PDE8B: variants seen among roughly 807,000 people sequenced by gnomAD.
The protein encoded by PDE8B is phosphodiesterase 8B, also known as high affinity cAMP-specific and IBMX-insensitive 3',5'-cyclic phosphodiesterase 8B.
In PDE8B, 26 loss-of-function variants were observed where a neutral mutation model predicts 101.3. That is an observed-to-expected ratio of 0.26 (90% CI 0.19 to 0.36). The LOEUF (loss-of-function observed/expected upper bound fraction) is 0.36. PDE8B is among the 10% of genes least tolerant of loss of function. PDE8B has a pLI of 1.00. For synonymous variants in PDE8B, 424 were observed against 429.3 expected, an observed-to-expected ratio of 0.99 and a Z score of 0.15; for missense variants, 810 against 1,163.1, an observed-to-expected ratio of 0.70 and a Z score of 4.42.
the PDE8B span, among the ~76,000 whole-genome samples, chr5:77,204,189 C>T: frequency 6.6e-6 from 1 of 151,322 alleles, no homozygotes; most frequent in Non-Finnish European, 1.5e-5. Flanking sequence ...GCAGGCAGAG[C>T]ACCTGAGGTC....
chr5:77,374,720 G>T (rs1007884844), intron 10 of PDE8B, among the ~76,000 whole-genome samples: 1 of 152,198 alleles, frequency 6.6e-6, no homozygotes. Context: ...TGCCTTAAAT[G>T]CATGTGTTTT....
chr5:77,325,832 T>C (rs990881705), intron 3 of PDE8B, 103 bp downstream of exon 3: 4 of 844,312 alleles, frequency 4.7e-6, no homozygotes, highest in East Asian at 5.3e-5. Flanking sequence ...TTTTAAAATA[T>C]GCGTTGATGT....
At chr5:77,304,790 G>C (rs1467247154) in intron 1 of PDE8B, among the ~76,000 whole-genome samples, 1 of 152,162 alleles carries the variant, frequency 6.6e-6, no homozygotes, top group Non-Finnish European at 1.5e-5. Context: ...TGATTGTAAC[G>C]TAGGGATATT....
intron 10 of PDE8B, among the ~76,000 whole-genome samples, chr5:77,358,085 C>A (rs542846266): frequency 6.6e-6 from 1 of 152,292 alleles, no homozygotes; most frequent in Admixed American, 6.5e-5. Flanking sequence ...GCCGATGGGC[C>A]TTCTCATGAT....
the PDE8B span, among the ~76,000 whole-genome samples, chr5:77,153,617 C>A: frequency 6.6e-6 from 1 of 150,686 alleles, no homozygotes; most frequent in African/African-American, 2.5e-5. Context: ...CTCTGTCACC[C>A]AGGCTGGAGT....
In PDE8B at chr5:77,422,499, C is replaced by T. The variant is rs554654901; in HGVS notation, c.2418+511C>T. Among the ~76,000 whole-genome samples the T allele has an allele frequency of 7.9e-5, 12 of 152,026 alleles. No homozygotes were observed. In the South Asian group the frequency reaches 2.5e-3, roughly 32 times the overall value. On this transcript the variant is annotated intron_variant, in intron 20 of 21. Transcript: ENST00000264917. ...TTTTTTCTAGATAAAAGGGGGGCTA[C>T]AGAAATGGAATAGGAAAAGACTTTC... is the stretch of plus-strand genomic sequence containing the variant.
chr5:77,396,717 TC>T (rs1791140508), intron 10 of PDE8B, among the ~76,000 whole-genome samples: 1 of 152,090 alleles, frequency 6.6e-6, no homozygotes, highest in Non-Finnish European at 1.5e-5. Context: ...TGGTTACTCT[TC>T]CTTTAGGCAA....
chr5:77,331,000 G>A lies in PDE8B; in HGVS notation c.651-402G>A, dbSNP rs112225257. On this transcript the variant is annotated intron_variant, in intron 4 of 21. Coordinates refer to ENST00000264917, the MANE Select transcript of PDE8B (RefSeq NM_003719.5). ...GCTGTCTTCCTCATGTTGAGAGCTGGACCAGCTCGGTTTTGGTGTGGGAGT... is the reference window on the plus strand; with the variant it reads ...GCTGTCTTCCTCATGTTGAGAGCTGAACCAGCTCGGTTTTGGTGTGGGAGT... Among the ~76,000 whole-genome samples the A allele has an allele frequency of 2.6e-5, 4 of 152,328 alleles. No individual in the cohort carries two copies. In the South Asian group the frequency reaches 8.3e-4, roughly 32 times the overall value.
In PDE8B at chr5:77,210,866, G is replaced by A; in HGVS notation, c.-60G>A. ...GCCCCCTCACTGCAGGTGGCAGCGG[G>A]TGCGCTGGGTCCCGGCGGCCGCGGG... On this transcript the variant is annotated 5_prime_UTR_variant, in exon 1 of 22. The change creates a new upstream start codon in the 5' untranslated region. Coordinates refer to ENST00000264917, the MANE Select transcript of PDE8B (RefSeq NM_003719.5). This position sits in a 1 kb window ranked among gnomAD's most constrained non-coding sequence, Gnocchi z 4.9. 4 of 1,187,998 alleles carry A rather than the reference G, an allele frequency of 3.4e-6. 1 individual carries two copies. Among genetic ancestry groups the A allele is most frequent in the Non-Finnish European group, 4.2e-6 (4 of 963,242 alleles). 73.6% of individuals were successfully genotyped at this position (1,187,998 alleles called of 1,614,324 possible).
chr5:77,147,095 T>C, the PDE8B span: 1 of 382,618 alleles, frequency 2.6e-6, no homozygotes, highest in South Asian at 2.4e-5. Flanking sequence ...AAAAGGGAGT[T>C]GTCACGGCTA....
At chr5:77,305,783 A>C (rs1467300450) in intron 1 of PDE8B, among the ~76,000 whole-genome samples, 1 of 152,238 alleles carries the variant, frequency 6.6e-6, no homozygotes, top group Non-Finnish European at 1.5e-5. Context: ...ATCAGAGCCA[A>C]CAGGGCAGCA....
the PDE8B span, among the ~76,000 whole-genome samples, chr5:77,097,992 T>C: frequency 1.3e-4 from 19 of 151,512 alleles, no homozygotes; most frequent in Non-Finnish European, 2.2e-4. Flanking sequence ...CTAGGGCCAC[T>C]CTCTACATGC....
intron 10 of PDE8B, among the ~76,000 whole-genome samples, chr5:77,383,675 G>T (rs550416160): frequency 6.6e-6 from 1 of 152,072 alleles, no homozygotes; most frequent in Non-Finnish European, 1.5e-5. Flanking sequence ...TAAGGAAGGG[G>T]TCCAGTTTCA....
intron 1 of PDE8B, among the ~76,000 whole-genome samples, chr5:77,220,194 G>A (rs566870622): frequency 6.6e-6 from 1 of 152,266 alleles, no homozygotes; most frequent in Non-Finnish European, 1.5e-5. Context: ...GGAGCCCAGG[G>A]TGAGGTCTCT....
chr5:77,295,258 T>C (rs1768265481), intron 1 of PDE8B, among the ~76,000 whole-genome samples: 1 of 152,180 alleles, frequency 6.6e-6, no homozygotes, highest in African/African-American at 2.4e-5. Context: ...GACAAAACTG[T>C]GCGAACATGC....
chr5:77,123,633 C>T, the PDE8B span, among the ~76,000 whole-genome samples: 3 of 152,004 alleles, frequency 2.0e-5, no homozygotes, highest in Non-Finnish European at 4.4e-5. Flanking sequence ...GTGGTGCACA[C>T]CTGTGGTCCC....
chr5:77,152,474 C>T, the PDE8B span, among the ~76,000 whole-genome samples: 1 of 152,100 alleles, frequency 6.6e-6, no homozygotes, highest in Non-Finnish European at 1.5e-5. Context: ...AGTGGCCAGG[C>T]AGGCATCTCC....
At chr5:77,413,433 T>A (rs1427240617) in intron 17 of PDE8B, 124 bp downstream of exon 17, 12 of 807,782 alleles carry the variant, frequency 1.5e-5, no homozygotes, top group Admixed American at 4.9e-5. Context: ...TAAAAAAAAA[T>A]TTTGTTACCA....
At chr5:77,353,434 C>G in intron 10 of PDE8B, 28 bp downstream of exon 10, 1 of 1,410,258 alleles carries the variant, frequency 7.1e-7, no homozygotes, top group Non-Finnish European at 1.0e-6. Flanking sequence ...TTCGTTTGCT[C>G]TGTCTGTTTG....
Sources: gnomAD v4.1 joint callset for allele counts (sites outside exome capture counted in the v4.1 genomes callset) on GRCh38, gnomAD v4.1.1 for gene constraint, Gnocchi (gnomAD v3.1) non-coding constraint, MANE v1.5 for transcripts, NCBI Gene and HGNC (gene_info 2026-07-23, HGNC 2026-07-21) for gene names.